Variants in SUSD1 observed in about 807,000 individuals in gnomAD.
The protein encoded by SUSD1 is sushi domain containing 1.
Under a neutral mutation model 86.9 loss-of-function variants are expected in SUSD1, and 65 were observed. The ratio of observed to expected loss-of-function variants is 0.75; its 90% CI spans 0.61 to 0.92. The LOEUF is 0.92. SUSD1 is among the 40% of genes least tolerant of loss of function. The pLI, the probability that SUSD1 is intolerant of heterozygous loss-of-function variation, is 0.00. For missense variants in SUSD1, 850 were observed against 929.7 expected (o/e 0.91, Z 1.11); for synonymous variants, 346 against 350.0 (o/e 0.99, Z 0.13).
intron 6 of SUSD1, among the ~76,000 whole-genome samples, chr9:112,119,828 T>C (rs929773776): frequency 2.0e-5 from 3 of 152,152 alleles, no homozygotes; most frequent in South Asian, 2.1e-4. Context: ...ACCAGCTTGA[T>C]AGAGCTCACA....
rs1354858417 is a variant in SUSD1 at position 112,157,563 on chromosome 9, C to G, written c.154G>C (p.Glu52Gln). 1 of 1,614,076 alleles carries G rather than the reference C, an allele frequency of 6.2e-7. No homozygotes were observed. Among genetic ancestry groups the G allele is most frequent in the Non-Finnish European group, 8.5e-7 (1 of 1,180,040 alleles). The change falls in exon 2 of 17, where the codon GAA (glutamate) becomes CAA (glutamine). Residue 52 changes from glutamate (E) to glutamine (Q), a missense_variant. By Grantham distance (29) the Glu-to-Gln change is conservative. Transcript: ENST00000374270. ...CHEHATCQQR[E>Q]GKKICICNYG... ...TTGCAAATACAGATCTTCTTCCCTTCTCTTTGCTGGCATGTGGCATGTTCA... is the reference window on the plus strand; with the variant it reads ...TTGCAAATACAGATCTTCTTCCCTTGTCTTTGCTGGCATGTGGCATGTTCA...
chr9:112,076,598 G>C (rs952871549), intron 12 of SUSD1, among the ~76,000 whole-genome samples: 2 of 152,114 alleles, frequency 1.3e-5, no homozygotes, highest in Non-Finnish European at 1.5e-5. Context: ...AAGTTGGGTG[G>C]ATATAGGAGT....
intron 13 of SUSD1, among the ~76,000 whole-genome samples, chr9:112,060,634 AGC>A (rs1828678450): frequency 6.6e-6 from 1 of 152,218 alleles, no homozygotes; most frequent in African/African-American, 2.4e-5. Context: ...GCTCACTTTC[AGC>A]CAAGGGCTTT....
In SUSD1 at chr9:112,118,739, C is replaced by A. The variant is rs573164761; in HGVS notation, c.886+5518G>T. Reference sequence around the variant, plus strand: ...ACCTCAGGTGATCCACCCTTCTCGGCCTCCCAAAGTGCTGGGATTACAGGC... The same window carrying A: ...ACCTCAGGTGATCCACCCTTCTCGGACTCCCAAAGTGCTGGGATTACAGGC... On this transcript the variant is annotated intron_variant, in intron 6 of 16. Transcript: ENST00000374270. Among the ~76,000 whole-genome samples the A allele has an allele frequency of 3.9e-5, 6 of 152,304 alleles. No homozygotes were observed. The South Asian group carries it at 1.2e-3, about 32-fold the overall frequency.
intron 3 of SUSD1, among the ~76,000 whole-genome samples, chr9:112,144,847 A>G (rs1832739998): frequency 6.6e-6 from 1 of 152,178 alleles, no homozygotes; most frequent in South Asian, 2.1e-4. Context: ...TATCAGAGGC[A>G]GCAGGTATAG....
At chr9:112,124,206 C>CGTAT in intron 6 of SUSD1, 51 bp downstream of exon 6, 2 of 1,554,346 alleles carry the variant, frequency 1.3e-6, no homozygotes, top group South Asian at 2.4e-5. Context: ...CCCTCGGCTC[C>CGTAT]CACTGGCTGT....
chr9:112,143,503 A>C lies in SUSD1; in HGVS notation c.494T>G (p.Phe165Cys), dbSNP rs77922130. 1 of 1,613,690 alleles carries C rather than the reference A, an allele frequency of 6.2e-7. No individual in the cohort carries two copies. Among genetic ancestry groups the C allele is most frequent in the Non-Finnish European group, 8.5e-7 (1 of 1,179,916 alleles). The change falls in exon 4 of 17, where the codon TTC becomes TGC. Residue 165 changes from phenylalanine to cysteine, a missense_variant. Phe to Cys is a radical substitution (Grantham distance 205, BLOSUM62 -2). Transcript: ENST00000374270. ...TGATGTGGCATCGGTGGTCGGGTGG[A>C]AAGGTTCAGGTCCATTCCTTGGCAA... ...GYLPRNGPEP[F>C]HPTTDATSCT...
chr9:112,058,271 ACCTGTC>A (rs1828541189), intron 14 of SUSD1, among the ~76,000 whole-genome samples, 151 bp downstream of exon 14: 1 of 152,230 alleles, frequency 6.6e-6, no homozygotes, highest in South Asian at 2.1e-4. Flanking sequence ...TAAGGGTTTC[ACCTGTC>A]CCTTCTTCAT....
intron 3 of SUSD1, among the ~76,000 whole-genome samples, chr9:112,145,429 A>AC (rs1832768444): frequency 6.6e-6 from 1 of 151,798 alleles, no homozygotes; most frequent in African/African-American, 2.4e-5. Flanking sequence ...ACAGGTGTGT[A>AC]CCACCACGCC....
intron 5 of SUSD1, among the ~76,000 whole-genome samples, chr9:112,127,103 G>A (rs182470666): frequency 6.6e-6 from 1 of 152,296 alleles, no homozygotes; most frequent in African/African-American, 2.4e-5. Flanking sequence ...CGGGCACAGA[G>A]GCTCACACCT....
chr9:112,067,961 C>T (rs561853380), intron 12 of SUSD1, among the ~76,000 whole-genome samples: 2 of 152,138 alleles, frequency 1.3e-5, no homozygotes, highest in African/African-American at 4.8e-5. Context: ...AAAACTTAGA[C>T]CTGCCTGGAC....
chr9:112,159,842 T>C (rs571558232), intron 1 of SUSD1, among the ~76,000 whole-genome samples: 1 of 152,344 alleles, frequency 6.6e-6, no homozygotes, highest in South Asian at 2.1e-4. Flanking sequence ...TGATCTGAGA[T>C]AGAATAAATA....
At chr9:112,139,899 G>A (rs1422731286) in intron 5 of SUSD1, among the ~76,000 whole-genome samples, 2 of 152,064 alleles carry the variant, frequency 1.3e-5, no homozygotes, top group African/African-American at 4.8e-5. Flanking sequence ...GATGGAAACA[G>A]GCACATAAAA....
At chr9:112,145,977 A>T (rs921744435) in intron 3 of SUSD1, 27 of 152,184 alleles carry the variant, frequency 1.8e-4, no homozygotes, top group African/African-American at 6.5e-4. Context: ...TCAGAGGCCT[A>T]CCTGCAACCA....
intron 6 of SUSD1, among the ~76,000 whole-genome samples, chr9:112,118,737 G>A (rs559891627): frequency 1.5e-4 from 23 of 152,194 alleles, no homozygotes; most frequent in East Asian, 3.9e-4. Flanking sequence ...CACCCTTCTC[G>A]GCCTCCCAAA....
chr9:112,061,054 G>T (rs1401276917), intron 13 of SUSD1, among the ~76,000 whole-genome samples: 1 of 152,186 alleles, frequency 6.6e-6, no homozygotes, highest in Non-Finnish European at 1.5e-5. Context: ...AAATCTCTAG[G>T]AGTAGATTCT....
At chr9:112,088,003 G>A (rs144339706) in intron 10 of SUSD1, among the ~76,000 whole-genome samples, 2 of 152,158 alleles carry the variant, frequency 1.3e-5, no homozygotes, top group Non-Finnish European at 2.9e-5. Context: ...AACATCCAAG[G>A]GCAAAAGAAT....
At chr9:112,121,244 C>T (rs1270869224) in intron 6 of SUSD1, among the ~76,000 whole-genome samples, 1 of 152,028 alleles carries the variant, frequency 6.6e-6, no homozygotes, top group Non-Finnish European at 1.5e-5. Flanking sequence ...TTTCTGATTG[C>T]AGTCTCTGGC....
At chr9:112,057,738 A>G (rs746341514) in intron 14 of SUSD1, among the ~76,000 whole-genome samples, 1 of 152,326 alleles carries the variant, frequency 6.6e-6, no homozygotes, top group Non-Finnish European at 1.5e-5. Flanking sequence ...TTTTATCTCA[A>G]ATTCATCAGT....
Sources: allele counts gnomAD v4.1 joint callset (sites outside exome capture counted in the v4.1 genomes callset), GRCh38; gene constraint gnomAD v4.1.1; transcripts MANE v1.5; gene names NCBI Gene and HGNC (gene_info 2026-07-23, HGNC 2026-07-21).